Variants in SLC39A12 observed in about 807,000 individuals in gnomAD.
SLC39A12 encodes the protein solute carrier family 39 member 12.
SLC39A12 carries 63 observed loss-of-function variants against 71.1 expected under a neutral mutation model. The observed-to-expected ratio is 0.89, with a 90% CI of 0.72 to 1.09. The LOEUF is 1.09. Among genes scored for constraint, SLC39A12 ranks in the 50% least tolerant of loss-of-function variants. The probability of loss-of-function intolerance (pLI) is 0.00; values close to 1 mark genes in which losing one functional copy is unlikely to be tolerated. For synonymous variants in SLC39A12, 351 were observed against 301.3 expected, an observed-to-expected ratio of 1.16 and a Z score of -1.71; for missense variants, 892 against 812.6, an observed-to-expected ratio of 1.10 and a Z score of -1.19.
rs763343718 is a variant in SLC39A12 at position 17,981,413 on chromosome 10, G to A, written c.1026G>A (p.Gln342=). ...AGCAAATGAGTCCAGGGATCATCCA[G>A]CAGCTCCTCAGCTGCTCCTGCCACT... ...DFKQMSPGII[Q]QLLSCSCHLP... is the part of the protein sequence containing the mutation. Residue 342 remains glutamine (Q), a synonymous_variant, in exon 6 of 13, where the codon CAG becomes CAA. Transcript: ENST00000377369. 7 of 1,613,892 alleles carry A rather than the reference G, an allele frequency of 4.3e-6. No homozygotes were observed. In the African/African-American group the frequency reaches 9.3e-5, roughly 22 times the overall value.
intron 3 of SLC39A12, among the ~76,000 whole-genome samples, chr10:17,965,201 C>A (rs968488433): frequency 6.7e-6 from 1 of 149,538 alleles, no homozygotes; most frequent in Admixed American, 6.7e-5. Context: ...GAGCTAAACT[C>A]GGTCTAAAAA....
chr10:18,037,451 T>C (rs942079357), intron 12 of SLC39A12, among the ~76,000 whole-genome samples: 2 of 152,196 alleles, frequency 1.3e-5, no homozygotes, highest in African/African-American at 4.8e-5. Flanking sequence ...GTATGTTCAC[T>C]ACAGTTAGGA....
rs1322813426 is a variant in SLC39A12 at position 18,003,254 on chromosome 10, A to G, written c.1843A>G (p.Met615Val). The change falls in exon 12 of 13, where the codon ATG (methionine) becomes GTG (valine). Residue 615 changes from methionine (M) to valine (V), a missense_variant. Met to Val is a conservative substitution (Grantham distance 21). Coordinates refer to ENST00000377369, the MANE Select transcript of SLC39A12 (RefSeq NM_001145195.2). ...MNFISSLTAF[M>V]GLYIGLSVSA... ...TTTTATAAGCTCCCTAACTGCCTTC[A>G]TGGGATTATACATTGGCCTTTCCGT... 4 of 1,614,014 alleles carry G rather than the reference A, an allele frequency of 2.5e-6. No individual in the cohort carries two copies. In the African/African-American group the frequency reaches 4.0e-5, roughly 16 times the overall value.
intron 5 of SLC39A12, among the ~76,000 whole-genome samples, chr10:17,979,414 A>G (rs1041291178): frequency 2.6e-5 from 4 of 152,220 alleles, no homozygotes; most frequent in Non-Finnish European, 5.9e-5. Flanking sequence ...AGAAAGATGC[A>G]TGGTATTCTC....
At chr10:17,972,674 C>A (rs1307510524) in intron 4 of SLC39A12, among the ~76,000 whole-genome samples, 1 of 151,938 alleles carries the variant, frequency 6.6e-6, no homozygotes, top group Non-Finnish European at 1.5e-5. Flanking sequence ...TTTTGGTTTC[C>A]ATTGGCATGG....
chr10:17,967,773 G>T (rs1030905974), intron 4 of SLC39A12, among the ~76,000 whole-genome samples: 4 of 151,316 alleles, frequency 2.6e-5, no homozygotes, highest in African/African-American at 9.7e-5. Context: ...TGTAGTCCCA[G>T]CTACTCGGGA....
At chr10:17,985,480 C>T (rs1474104724) in intron 6 of SLC39A12, among the ~76,000 whole-genome samples, 2 of 150,840 alleles carry the variant, frequency 1.3e-5, no homozygotes, top group African/African-American at 4.9e-5. Flanking sequence ...TTGCAATGAG[C>T]TTTAGGTATT....
chr10:18,014,386 A>G (rs1363198452), intron 12 of SLC39A12, among the ~76,000 whole-genome samples: 2 of 152,172 alleles, frequency 1.3e-5, no homozygotes, highest in African/African-American at 4.8e-5. Context: ...TGCTTAACAA[A>G]TTATTATTTA....
intron 12 of SLC39A12, among the ~76,000 whole-genome samples, chr10:18,024,279 A>G (rs1259605272): frequency 6.6e-6 from 1 of 151,988 alleles, no homozygotes; most frequent in Non-Finnish European, 1.5e-5. Context: ...TCAGGAATCC[A>G]AGGCCCTTGG....
At chr10:18,041,177 C>T (rs1029450552) in intron 12 of SLC39A12, among the ~76,000 whole-genome samples, 1 of 152,046 alleles carries the variant, frequency 6.6e-6, no homozygotes, top group Admixed American at 6.6e-5. Flanking sequence ...GAGACAAATA[C>T]ACCTTGGGGC....
chr10:18,019,356 G>A (rs991520260), intron 12 of SLC39A12, among the ~76,000 whole-genome samples: 2 of 151,686 alleles, frequency 1.3e-5, no homozygotes, highest in Non-Finnish European at 2.9e-5. Context: ...TGGCTTTGTC[G>A]AATTTCTGTA....
At chr10:17,992,463 G>A (rs1564649503) in intron 8 of SLC39A12, among the ~76,000 whole-genome samples, 1 of 152,070 alleles carries the variant, frequency 6.6e-6, no homozygotes, top group Admixed American at 6.5e-5. Flanking sequence ...ATGGTAATTT[G>A]GAAATTAGGA....
intron 12 of SLC39A12, among the ~76,000 whole-genome samples, chr10:18,003,859 G>A (rs74118077): frequency 0.035 from 5,313 of 152,256 alleles, 267 homozygotes; most frequent in African/African-American, 0.12. Flanking sequence ...TTAAATCACT[G>A]TTTGACTTAA....
chr10:17,961,922 G>T (rs557020284), intron 3 of SLC39A12, 60 bp downstream of exon 3: 12 of 1,493,400 alleles, frequency 8.0e-6, no homozygotes, highest in African/African-American at 5.6e-5. Context: ...GAGCCTTATT[G>T]TTTGTTCCTT....
chr10:17,995,543 C>T (rs1835661336), intron 9 of SLC39A12, 113 bp from the exon 10 acceptor site: 1 of 869,382 alleles, frequency 1.2e-6, no homozygotes, highest in African/African-American at 1.7e-5. Context: ...TAATATACAT[C>T]TAGAGTACTA....
intron 7 of SLC39A12, 38 bp downstream of exon 7, chr10:17,987,689 C>T: frequency 1.9e-6 from 3 of 1,606,608 alleles, no homozygotes; most frequent in Admixed American, 1.7e-5. Flanking sequence ...AAGTTCACTT[C>T]ATTGCTCTTC....
At chr10:18,036,763 TATATATATATATATATATATATA>T (rs1837041851) in intron 12 of SLC39A12, among the ~76,000 whole-genome samples, 1 of 8,706 alleles carries the variant, frequency 1.1e-4, no homozygotes, top group South Asian at 1.8e-3. Flanking sequence ...TATATATATA[TATATATATATATATATATATATA>T]TATATATATT....
At chr10:17,974,773 T>A (rs2085299187) in intron 4 of SLC39A12, among the ~76,000 whole-genome samples, 1 of 152,128 alleles carries the variant, frequency 6.6e-6, no homozygotes, top group African/African-American at 2.4e-5. Flanking sequence ...ACTCCCCGGC[T>A]ATGTTTGCTC....
rs782309299 is a variant in SLC39A12 at position 17,953,508 on chromosome 10, A to G, written c.232A>G (p.Arg78Gly). ...GGAGAAAACTGGGTGCCCACGGAGGAGAAACGGAATGCAAGGAGATTGCAA... is the reference window on the plus strand; with the variant it reads ...GGAGAAAACTGGGTGCCCACGGAGGGGAAACGGAATGCAAGGAGATTGCAA... ...LLEKTGCPRRRNGMQGDCNLC... is the reference protein window; with the variant it reads ...LLEKTGCPRRGNGMQGDCNLC... Residue 78 changes from arginine to glycine, a missense_variant, in exon 2 of 13, where the codon AGA (arginine) becomes GGA (glycine). Coordinates refer to ENST00000377369, the MANE Select transcript of SLC39A12 (RefSeq NM_001145195.2). 1.2e-6 allele frequency: 2 copies of G among 1,614,096 alleles called. No individual in the cohort carries two copies. Among genetic ancestry groups the G allele is most frequent in the African/African-American group, 1.3e-5 (1 of 74,942 alleles).
Sources: allele counts gnomAD v4.1 joint callset (sites outside exome capture counted in the v4.1 genomes callset), GRCh38; gene constraint gnomAD v4.1.1; transcripts MANE v1.5; gene names NCBI Gene and HGNC (gene_info 2026-07-23, HGNC 2026-07-21).